Variants in TMEM45A observed in about 807,000 individuals in gnomAD.
The protein encoded by TMEM45A is transmembrane protein 45A, also known as DNA polymerase-transactivated protein 4.
Under a neutral mutation model 32.0 loss-of-function variants are expected in TMEM45A, and 25 were observed. That is an observed-to-expected ratio of 0.78 (90% CI 0.57 to 1.09). TMEM45A has a LOEUF of 1.09. TMEM45A is among the 50% of genes least tolerant of loss of function. The pLI, the probability that TMEM45A is intolerant of heterozygous loss-of-function variation, is 0.00. For missense variants in TMEM45A, 302 were observed against 325.0 expected (o/e 0.93, Z 0.54); for synonymous variants, 122 against 114.8 (o/e 1.06, Z -0.40).
intron 3 of TMEM45A, 150 bp downstream of exon 3, chr3:100,557,122 C>T (rs1706237746): frequency 9.5e-6 from 8 of 842,716 alleles, no homozygotes; most frequent in African/African-American, 1.7e-5. Flanking sequence ...GTGTCCTAGG[C>T]AGGGCGCCAA....
At chr3:100,500,497 C>T (rs905193353) in intron 1 of TMEM45A, among the ~76,000 whole-genome samples, 1 of 152,154 alleles carries the variant, frequency 6.6e-6, no homozygotes, top group Non-Finnish European at 1.5e-5. Flanking sequence ...CCTGTTCCCT[C>T]TCTCTGGACT....
intron 1 of TMEM45A, among the ~76,000 whole-genome samples, chr3:100,514,039 TG>T (rs2148940077): frequency 6.6e-6 from 1 of 152,298 alleles, no homozygotes; most frequent in East Asian, 1.9e-4. Flanking sequence ...ATCGTGAAAA[TG>T]GCCATACTGC....
chr3:100,528,684 T>C (rs1199341734), intron 1 of TMEM45A, among the ~76,000 whole-genome samples: 1 of 152,214 alleles, frequency 6.6e-6, no homozygotes, highest in East Asian at 1.9e-4. Flanking sequence ...CTCTCTTTTT[T>C]TTAAACACAG....
intron 1 of TMEM45A, among the ~76,000 whole-genome samples, chr3:100,500,768 C>T (rs1707998971): frequency 6.6e-6 from 1 of 152,186 alleles, no homozygotes; most frequent in Non-Finnish European, 1.5e-5. Context: ...TCTTCTGTGG[C>T]TTAGTTTATT....
intron 5 of TMEM45A, among the ~76,000 whole-genome samples, chr3:100,570,127 T>A (rs1364715145): frequency 6.6e-6 from 1 of 152,264 alleles, no homozygotes; most frequent in Admixed American, 6.5e-5. Flanking sequence ...GCACTTAAAA[T>A]GTGGCTCATG....
chr3:100,521,269 T>A (rs559449462), intron 1 of TMEM45A, among the ~76,000 whole-genome samples: 2 of 152,120 alleles, frequency 1.3e-5, no homozygotes, highest in South Asian at 4.1e-4. Flanking sequence ...CCCTTTCTTT[T>A]TTTTTTGAGA....
intron 1 of TMEM45A, among the ~76,000 whole-genome samples, chr3:100,552,931 C>G (rs1192533978): frequency 1.3e-5 from 2 of 152,184 alleles, no homozygotes; most frequent in Non-Finnish European, 2.9e-5. Flanking sequence ...AAGACAACAG[C>G]AAGAGAAGTG....
intron 1 of TMEM45A, among the ~76,000 whole-genome samples, chr3:100,553,970 G>A (rs558092949): frequency 6.6e-6 from 1 of 152,254 alleles, no homozygotes. Flanking sequence ...GGTCTGTCCT[G>A]AACTGAGCAG....
At chr3:100,538,449 A>G (rs1705786347) in intron 1 of TMEM45A, among the ~76,000 whole-genome samples, 1 of 152,234 alleles carries the variant, frequency 6.6e-6, no homozygotes, top group Non-Finnish European at 1.5e-5. Context: ...CCTACAGCCA[A>G]CATCATACTT....
At chr3:100,534,995 G>GC (rs1304997662) in intron 1 of TMEM45A, among the ~76,000 whole-genome samples, 4 of 152,084 alleles carry the variant, frequency 2.6e-5, no homozygotes, top group African/African-American at 9.7e-5. Context: ...CACTGTTCTC[G>GC]CTCCCTCAAA....
chr3:100,501,459 G>T (rs536713826), intron 1 of TMEM45A, among the ~76,000 whole-genome samples: 155 of 152,312 alleles, frequency 1.0e-3, no homozygotes, highest in African/African-American at 3.4e-3. Flanking sequence ...AACCCTCACA[G>T]GTGAGCTGGT....
At chr3:100,542,533 G>A (rs1340901049) in intron 1 of TMEM45A, among the ~76,000 whole-genome samples, 1 of 152,068 alleles carries the variant, frequency 6.6e-6, no homozygotes, top group Non-Finnish European at 1.5e-5. Context: ...CACAGAATGG[G>A]AGCAAATTTT....
At chr3:100,508,628 C>A (rs1708111937) in intron 1 of TMEM45A, among the ~76,000 whole-genome samples, 1 of 151,940 alleles carries the variant, frequency 6.6e-6, no homozygotes, top group African/African-American at 2.4e-5. Context: ...AGAAGTGGAA[C>A]AGAATAGAGA....
chr3:100,505,061 G>A (rs1185709528), intron 1 of TMEM45A, among the ~76,000 whole-genome samples: 1 of 152,192 alleles, frequency 6.6e-6, no homozygotes, highest in African/African-American at 2.4e-5. Context: ...GGTTGACCGT[G>A]TGGTTGTTGT....
chr3:100,576,322 G>A (rs539951558), intron 5 of TMEM45A, among the ~76,000 whole-genome samples: 14 of 152,246 alleles, frequency 9.2e-5, no homozygotes, highest in African/African-American at 3.4e-4. Flanking sequence ...GTGGTGGTGG[G>A]CGTCTGTAAT....
chr3:100,536,130 A>G (rs1211506570), intron 1 of TMEM45A, among the ~76,000 whole-genome samples: 1 of 152,168 alleles, frequency 6.6e-6, no homozygotes, highest in East Asian at 1.9e-4. Flanking sequence ...GGAGGCTACT[A>G]AACATCCTAC....
At chr3:100,515,929 C>T (rs984994899) in intron 1 of TMEM45A, among the ~76,000 whole-genome samples, 4 of 152,050 alleles carry the variant, frequency 2.6e-5, no homozygotes, top group African/African-American at 9.7e-5. Flanking sequence ...TTTGATAGCA[C>T]AGTGAGGTGA....
chr3:100,511,017 A>C (rs1158894529), intron 1 of TMEM45A, among the ~76,000 whole-genome samples: 1 of 151,898 alleles, frequency 6.6e-6, no homozygotes, highest in Admixed American at 6.6e-5. Context: ...TGAAAGTGAC[A>C]GGGAGAATGG....
chr3:100,512,959 G>C (rs1339575463), intron 1 of TMEM45A, among the ~76,000 whole-genome samples: 1 of 150,928 alleles, frequency 6.6e-6, no homozygotes, highest in East Asian at 1.9e-4. Flanking sequence ...CCAATAACAG[G>C]ATCTGAAATT....
Sources: allele counts gnomAD v4.1 joint callset (sites outside exome capture counted in the v4.1 genomes callset), GRCh38; gene constraint gnomAD v4.1.1; transcripts MANE v1.5; gene names NCBI Gene and HGNC (gene_info 2026-07-23, HGNC 2026-07-21).